RXRA: variants seen among roughly 807,000 people sequenced by gnomAD.
RXRA encodes retinoic acid receptor RXR-alpha.
A neutral mutation model predicts 44.5 loss-of-function variants in RXRA; 5 were observed. The observed-to-expected ratio is 0.11, with a 90% CI of 0.06 to 0.24. The LOEUF is 0.24. RXRA is among the 10% of genes least tolerant of loss of function. The pLI, the probability that RXRA is intolerant of heterozygous loss-of-function variation, is 1.00. For missense variants in RXRA, 412 were observed against 646.5 expected, an observed-to-expected ratio of 0.64 and a Z score of 3.93; for synonymous variants, 291 against 271.4, an observed-to-expected ratio of 1.07 and a Z score of -0.71.
At chr9:134,350,820 G>T (rs955298958) in intron 1 of RXRA, among the ~76,000 whole-genome samples, 1 of 152,256 alleles carries the variant, frequency 6.6e-6, no homozygotes, top group Non-Finnish European at 1.5e-5. Flanking sequence ...TGCATTCGAG[G>T]GGCTGAGCGG....
At chr9:134,356,633 C>T (rs1830286961) in intron 1 of RXRA, among the ~76,000 whole-genome samples, 1 of 152,244 alleles carries the variant, frequency 6.6e-6, no homozygotes, top group Non-Finnish European at 1.5e-5. Context: ...GCACTGAGCA[C>T]CTACTGTATG....
intron 1 of RXRA, among the ~76,000 whole-genome samples, chr9:134,338,541 G>A (rs1830041619): frequency 6.6e-6 from 1 of 152,230 alleles, no homozygotes; most frequent in Non-Finnish European, 1.5e-5. Context: ...ACGTGCGTCT[G>A]GCCGCAGTCA....
At chr9:134,329,325 G>T (rs1259280105) in intron 1 of RXRA, among the ~76,000 whole-genome samples, 1 of 152,252 alleles carries the variant, frequency 6.6e-6, no homozygotes, top group Non-Finnish European at 1.5e-5. Flanking sequence ...TTGGAGTCCC[G>T]CTCGGGCCTG....
At chr9:134,398,332 G>A (rs897164052) in intron 1 of RXRA, among the ~76,000 whole-genome samples, 3 of 150,242 alleles carry the variant, frequency 2.0e-5, no homozygotes, top group Non-Finnish European at 4.4e-5. Context: ...ACTTAATCAG[G>A]GGTGGGGACG....
At chr9:134,391,467 A>G (rs1564282280) in intron 1 of RXRA, among the ~76,000 whole-genome samples, 1 of 152,084 alleles carries the variant, frequency 6.6e-6, no homozygotes, top group Non-Finnish European at 1.5e-5. Flanking sequence ...AACTACCCCC[A>G]GGAGCCCACA....
chr9:134,395,857 A>C (rs773916979), intron 1 of RXRA, among the ~76,000 whole-genome samples: 1 of 152,212 alleles, frequency 6.6e-6, no homozygotes, highest in African/African-American at 2.4e-5. Flanking sequence ...TGGTTGGGGA[A>C]AGGGCAGGGT....
intron 1 of RXRA, among the ~76,000 whole-genome samples, chr9:134,375,132 G>A (rs1830540220): frequency 6.6e-6 from 1 of 152,220 alleles, no homozygotes; most frequent in African/African-American, 2.4e-5. Flanking sequence ...TATATAAAAC[G>A]GAGCCAGGCT....
intron 1 of RXRA, chr9:134,380,052 A>G (rs1588275198): frequency 1.0e-6 from 1 of 985,144 alleles, no homozygotes. Flanking sequence ...CCTGAGCACA[A>G]TCTTCCTGCC....
chr9:134,440,321 T>C lies in RXRA; in HGVS notation c.*3707T>C, dbSNP rs1831712472. On this transcript the variant is annotated 3_prime_UTR_variant, in exon 10 of 10. Coordinates refer to ENST00000481739, the MANE Select transcript of RXRA (RefSeq NM_002957.6). ...GGTGTCTTCCCTCGGGGCAGGAGGGTGGGCCTGAGGCTTTCAAGGGTTTTC... is the reference window on the plus strand; with the variant it reads ...GGTGTCTTCCCTCGGGGCAGGAGGGCGGGCCTGAGGCTTTCAAGGGTTTTC... The C allele has an allele frequency of 6.6e-6, 1 of 152,100 alleles. No homozygotes were observed. 9.4% of individuals were successfully genotyped at this position (152,100 alleles called of 1,614,324 possible). A position where few individuals can be genotyped will look rare whatever the true frequency, so the allele number is the denominator to read the frequency against.
intron 1 of RXRA, among the ~76,000 whole-genome samples, chr9:134,357,746 T>C (rs1456884561): frequency 6.6e-6 from 1 of 152,224 alleles, no homozygotes; most frequent in Non-Finnish European, 1.5e-5. Context: ...TAAGCAGAAT[T>C]GGCCACCCTC....
chr9:134,390,228 G>A (rs1323669770), intron 1 of RXRA, among the ~76,000 whole-genome samples: 1 of 152,182 alleles, frequency 6.6e-6, no homozygotes, highest in Admixed American at 6.5e-5. Context: ...CACACAGTGG[G>A]TAGGGGCCCG....
At chr9:134,424,640 C>T in intron 6 of RXRA, 1 of 985,478 alleles carries the variant, frequency 1.0e-6, no homozygotes, top group Non-Finnish European at 1.2e-6. Context: ...TCTCCCCAAG[C>T]CCCAGTAAGG....
At chr9:134,327,102 G>A (rs1274421892) in intron 1 of RXRA, among the ~76,000 whole-genome samples, 3 of 152,080 alleles carry the variant, frequency 2.0e-5, no homozygotes, top group Non-Finnish European at 2.9e-5. Context: ...CGCCCGTCGG[G>A]CTGCGGCTTC....
At position 134,380,742 on chromosome 9, in the gene RXRA, A is replaced by G. The variant is rs530369065; in HGVS notation, c.29-20890A>G. 2.6e-5 allele frequency among the ~76,000 whole-genome samples: 4 copies of G among 152,034 alleles called. No individual in the cohort carries two copies. In the South Asian group the frequency reaches 6.2e-4, roughly 24 times the overall value. On this transcript the variant is annotated intron_variant, in intron 1 of 9. Transcript: ENST00000481739. The stretch of plus-strand genomic sequence containing the variant: ...AGCTGGCCACCGAGCCTCATGAAGC[A>G]CCTTTCCAGTTCCCCGGCACCTGGG...
chr9:134,424,066 C>T, intron 6 of RXRA: 1 of 985,438 alleles, frequency 1.0e-6, no homozygotes, highest in South Asian at 4.7e-5. Flanking sequence ...TGGCTCCAGC[C>T]TCAGCCTGTG....
intron 1 of RXRA, chr9:134,379,389 T>C: frequency 6.1e-6 from 6 of 987,516 alleles, no homozygotes; most frequent in Non-Finnish European, 7.2e-6. Context: ...GGTGAGCTGC[T>C]TCTGGGGCAC....
At position 134,342,264 on chromosome 9, in the gene RXRA, C is replaced by T. The variant is rs1415276437; in HGVS notation, c.28+15605C>T. ...GGGTCCGGGTCGAGGACTAGCAAGCCACAGTGCACCAGGTGCCCCGGTACC... is the reference window on the plus strand; with the variant it reads ...GGGTCCGGGTCGAGGACTAGCAAGCTACAGTGCACCAGGTGCCCCGGTACC... On this transcript the variant is annotated intron_variant, in intron 1 of 9. Coordinates refer to ENST00000481739, the MANE Select transcript of RXRA (RefSeq NM_002957.6). This position sits in a 1 kb window ranked among gnomAD's most constrained non-coding sequence, Gnocchi z 4.4. Among the ~76,000 whole-genome samples the T allele has an allele frequency of 6.6e-6, 1 of 152,098 alleles. No homozygotes were observed. Among genetic ancestry groups the T allele is most frequent in the African/African-American group, 2.4e-5 (1 of 41,396 alleles).
At chr9:134,382,034 T>C (rs568342574) in intron 1 of RXRA, among the ~76,000 whole-genome samples, 27 of 152,148 alleles carry the variant, frequency 1.8e-4, no homozygotes, top group African/African-American at 5.3e-4. Context: ...CCCAGGAGTT[T>C]GGGAGAGGCC....
At chr9:134,409,337 C>T (rs1304664104) in intron 4 of RXRA, among the ~76,000 whole-genome samples, 2 of 152,186 alleles carry the variant, frequency 1.3e-5, no homozygotes, top group East Asian at 1.9e-4. Context: ...TTCTGGCTGG[C>T]GTTGGCTGTC....
Sources: gnomAD v4.1 joint callset for allele counts (sites outside exome capture counted in the v4.1 genomes callset) on GRCh38, gnomAD v4.1.1 for gene constraint, Gnocchi (gnomAD v3.1) non-coding constraint, MANE v1.5 for transcripts, NCBI Gene and HGNC (gene_info 2026-07-23, HGNC 2026-07-21) for gene names.